The following NEDD4 variants were observed in gnomAD, a reference collection of about 807,000 sequenced individuals.
NEDD4 encodes the protein NEDD4 E3 ubiquitin protein ligase.
A neutral mutation model predicts 144.9 loss-of-function variants in NEDD4; 99 were observed. That is an observed-to-expected ratio of 0.68 (90% confidence interval 0.58 to 0.81). The LOEUF is 0.81. Among genes scored for constraint, NEDD4 ranks in the 30% least tolerant of loss-of-function variants. The pLI, the probability that NEDD4 is intolerant of heterozygous loss-of-function variation, is 0.00. For synonymous variants in NEDD4, 318 were observed against 350.6 expected (o/e 0.91, Z 1.04); for missense variants, 985 against 1,065.9 (o/e 0.92, Z 1.06).
chr15:55,959,037 T>C (rs942760689), intron 2 of NEDD4, among the ~76,000 whole-genome samples: 22 of 150,936 alleles, frequency 1.5e-4, no homozygotes, highest in Non-Finnish European at 1.8e-4. Flanking sequence ...CCCTTGTCTT[T>C]ATTATTTCTT....
intron 21 of NEDD4, among the ~76,000 whole-genome samples, chr15:55,839,759 C>T (rs537771160): frequency 9.2e-5 from 14 of 151,586 alleles, no homozygotes; most frequent in Admixed American, 5.3e-4. Flanking sequence ...AGGCGGATAA[C>T]GAGGTCAAAA....
At chr15:55,946,218 T>C (rs184961253) in intron 4 of NEDD4, among the ~76,000 whole-genome samples, 89 of 152,244 alleles carry the variant, frequency 5.8e-4, no homozygotes, top group African/African-American at 2.1e-3. Context: ...GCGAATTAGA[T>C]AAAGAGTCAA....
Position 55,847,038 on chromosome 15 carries a change from T to C in NEDD4, c.1543-4A>G, listed in dbSNP as rs2033779880. The C allele has an allele frequency of 1.3e-6, 2 of 1,587,666 alleles. No homozygotes were observed. Among genetic ancestry groups the C allele is most frequent in the Non-Finnish European group, 1.7e-6 (2 of 1,167,598 alleles). ...AATCCCTGGAGTAGGGCACTGCCTT[T>C]AGTTGGAAATTTTGGAAAAATAAAG... On this transcript the variant is annotated splice_region_variant and splice_polypyrimidine_tract_variant and intron_variant, in intron 17 of 28. Transcript: ENST00000435532.
intron 12 of NEDD4, 94 bp from the exon 13 acceptor site, chr15:55,852,637 A>C: frequency 1.9e-6 from 2 of 1,078,680 alleles, no homozygotes; most frequent in Non-Finnish European, 2.6e-6. Flanking sequence ...GTCTACTCTC[A>C]GCCCCAAGCA....
chr15:55,844,807 ATT>A lies in NEDD4; in HGVS notation c.1608+2160_1608+2161del, dbSNP rs56088235. Among the ~76,000 whole-genome samples the A allele has an allele frequency of 3.0e-3, 421 of 138,718 alleles. 1 individual carries two copies. Among genetic ancestry groups the A allele is most frequent in the Admixed American group, 5.9e-3 (82 of 13,856 alleles). The allele number at this position is 138,718 out of a possible 152,430, so 91.0% of individuals were successfully genotyped here. ...CACGGCTTTCAAGCACCGGTTTTCA[ATT>A]TTTTTTTTTTTTTTTTGAGACAGAG... On this transcript the variant is annotated intron_variant, in intron 18 of 28. Transcript: ENST00000435532.
chr15:55,835,291 T>C (rs1390728878), intron 24 of NEDD4, among the ~76,000 whole-genome samples: 1 of 152,248 alleles, frequency 6.6e-6, no homozygotes, highest in African/African-American at 2.4e-5. Context: ...ATTTAATTCC[T>C]TATCATATTT....
At chr15:55,890,260 G>A (rs1306030004) in intron 5 of NEDD4, among the ~76,000 whole-genome samples, 1 of 152,156 alleles carries the variant, frequency 6.6e-6, no homozygotes, top group East Asian at 1.9e-4. Flanking sequence ...ATGTTTTTTA[G>A]TATTTTCACA....
intron 4 of NEDD4, among the ~76,000 whole-genome samples, chr15:55,935,845 CAAAAAAAAAA>C (rs35215537): frequency 2.6e-5 from 2 of 78,264 alleles, no homozygotes; most frequent in Non-Finnish European, 4.8e-5. Flanking sequence ...GACTCTGTTT[CAAAAAAAAAA>C]AAAAAAAAAA....
chr15:55,860,760 A>G lies in NEDD4; in HGVS notation c.693T>C (p.Ala231=). 6.2e-7 allele frequency: 1 copy of G among 1,614,126 alleles called. No individual in the cohort carries two copies. Among genetic ancestry groups the G allele is most frequent in the Non-Finnish European group, 8.5e-7 (1 of 1,179,976 alleles). The change falls in exon 10 of 29, where the codon GCT becomes GCC. Residue 231 remains alanine (A), a synonymous_variant. Transcript: ENST00000435532. The stretch of plus-strand genomic sequence containing the variant: ...CTTGCAGTTGAATGTTGCCATTCTC[A>G]GCATCTGTTAGGTTGTCCCTATATT... ...RPTPQDNLTD[A]ENGNIQLQAQ...
intron 4 of NEDD4, among the ~76,000 whole-genome samples, chr15:55,937,261 T>C (rs1408672140): frequency 6.6e-6 from 1 of 152,238 alleles, no homozygotes; most frequent in African/African-American, 2.4e-5. Flanking sequence ...AACCAAGTTT[T>C]TGCTGTAATA....
chr15:55,937,352 AC>A (rs2036914571), intron 4 of NEDD4, among the ~76,000 whole-genome samples: 1 of 152,222 alleles, frequency 6.6e-6, no homozygotes, highest in South Asian at 2.1e-4. Context: ...GATATAAATG[AC>A]AAAGAGGAAA....
At chr15:55,883,726 C>A (rs1205551728) in intron 5 of NEDD4, among the ~76,000 whole-genome samples, 1 of 140,934 alleles carries the variant, frequency 7.1e-6, no homozygotes, top group Non-Finnish European at 1.6e-5. Context: ...CACACACACA[C>A]AGAAAGAGAA....
intron 1 of NEDD4, among the ~76,000 whole-genome samples, chr15:55,967,794 G>A (rs1595881130): frequency 6.6e-6 from 1 of 152,220 alleles, no homozygotes; most frequent in East Asian, 1.9e-4. Flanking sequence ...GCCAACGTGA[G>A]AGAATTGCTT....
intron 5 of NEDD4, among the ~76,000 whole-genome samples, chr15:55,902,624 A>T (rs2035947153): frequency 1.3e-5 from 2 of 152,182 alleles, no homozygotes; most frequent in South Asian, 4.1e-4. Flanking sequence ...GTATGTTTGA[A>T]ATTTTCCCTA....
chr15:55,926,965 A>G (rs1455358881), intron 4 of NEDD4, among the ~76,000 whole-genome samples: 2 of 150,644 alleles, frequency 1.3e-5, no homozygotes, highest in East Asian at 4.0e-4. Flanking sequence ...AACCCCAGCT[A>G]GTTGGGAGGC....
At chr15:55,902,160 T>C (rs1262703126) in intron 5 of NEDD4, among the ~76,000 whole-genome samples, 4 of 152,276 alleles carry the variant, frequency 2.6e-5, no homozygotes, top group African/African-American at 9.6e-5. Flanking sequence ...ATTATATTGG[T>C]AACCCATGCA....
intron 5 of NEDD4, among the ~76,000 whole-genome samples, chr15:55,883,696 AACACACAC>A (rs3049242): frequency 0.027 from 3,012 of 112,232 alleles, 115 homozygotes; most frequent in African/African-American, 0.091. Flanking sequence ...CACACACACA[AACACACAC>A]ACACACACAC....
rs59537454 is a variant in NEDD4 at position 55,971,624 on chromosome 15, C to CAAAAAA, written c.46-5084_46-5079dup. ...TGGGCAACACGGTGAGACTCTGTCT[C>CAAAAAA]AAAAAAAAAAAAAAGACTTATTAGC... On this transcript the variant is annotated intron_variant, in intron 1 of 28. Transcript: ENST00000435532. Among the ~76,000 whole-genome samples the CAAAAAA allele has an allele frequency of 1.9e-3, 240 of 124,636 alleles. 11 individuals carry two copies. The East Asian group carries it at 0.04, about 21-fold the overall frequency. 81.8% of individuals were successfully genotyped at this position (124,636 alleles called of 152,430 possible).
intron 21 of NEDD4, among the ~76,000 whole-genome samples, chr15:55,839,028 A>C (rs2033344666): frequency 6.8e-6 from 1 of 147,714 alleles, no homozygotes; most frequent in Non-Finnish European, 1.5e-5. Flanking sequence ...TTATTTTTTA[A>C]TTTAATTTTT....
Sources: gnomAD v4.1 joint callset for allele counts (sites outside exome capture counted in the v4.1 genomes callset) on GRCh38, gnomAD v4.1.1 for gene constraint, MANE v1.5 for transcripts, NCBI Gene and HGNC (gene_info 2026-07-23, HGNC 2026-07-21) for gene names.